Variants in KLF12 observed in about 807,000 individuals in gnomAD.
KLF12 encodes KLF transcription factor 12.
A neutral mutation model predicts 37.8 loss-of-function variants in KLF12; 9 were observed. The observed-to-expected ratio is 0.24, with a 90% CI of 0.14 to 0.42. KLF12 has a LOEUF of 0.42. Among genes scored for constraint, KLF12 ranks in the 10% least tolerant of loss-of-function variants. The pLI, the probability that KLF12 is intolerant of heterozygous loss-of-function variation, is 1.00. For missense variants in KLF12, 411 were observed against 516.0 expected (o/e 0.80, Z 1.97); for synonymous variants, 208 against 202.1 (o/e 1.03, Z -0.25).
intron 3 of KLF12, among the ~76,000 whole-genome samples, chr13:73,853,715 G>A (rs2138743280): frequency 6.7e-6 from 1 of 148,734 alleles, no homozygotes; most frequent in African/African-American, 2.5e-5. Flanking sequence ...CTCCAGCCTG[G>A]TCGACAGAGT....
At chr13:74,144,648 T>C in the KLF12 span, among the ~76,000 whole-genome samples, 3 of 152,174 alleles carry the variant, frequency 2.0e-5, no homozygotes, top group African/African-American at 7.2e-5. Flanking sequence ...GGTGGGATCA[T>C]AATATTTTCA....
At position 73,692,228 on chromosome 13, in the gene KLF12, G is replaced by A. The variant is rs1249901345; in HGVS notation, c.*3262C>T. On this transcript the variant is annotated 3_prime_UTR_variant, in exon 8 of 8. Transcript: ENST00000377669. ...AGAGTCCACACACAATTGACAGAAT[G>A]AGGGCAGAGGTGGATGCAGAAGCGT... 1 of 152,156 alleles carries A rather than the reference G, an allele frequency of 6.6e-6. No homozygotes were observed. Among genetic ancestry groups the A allele is most frequent in the African/African-American group, 2.4e-5 (1 of 41,450 alleles). 9.4% of individuals were successfully genotyped at this position (152,156 alleles called of 1,614,324 possible). A position where few individuals can be genotyped will look rare whatever the true frequency, so the allele number is the denominator to read the frequency against.
rs570405117 is a variant in KLF12, at chr13:73,757,436, A to T, written c.869+7502T>A. On this transcript the variant is annotated intron_variant, in intron 6 of 7. Coordinates refer to ENST00000377669, the MANE Select transcript of KLF12 (RefSeq NM_007249.5). ...AATCTTGTACTATGCCAAGAAATGT[A>T]ATAAATAGCTAGTTTCAGGGAAATT... 3.2e-4 allele frequency among the ~76,000 whole-genome samples: 49 copies of T among 152,370 alleles called. 2 individuals are homozygous for T. In the South Asian group the frequency reaches 9.9e-3, roughly 31 times the overall value.
the KLF12 span, among the ~76,000 whole-genome samples, chr13:74,164,979 G>C: frequency 6.6e-6 from 1 of 152,092 alleles, no homozygotes; most frequent in Non-Finnish European, 1.5e-5. Context: ...ATAAAATCTA[G>C]TATTTGATAG....
intron 6 of KLF12, among the ~76,000 whole-genome samples, chr13:73,751,975 A>G (rs1184507573): frequency 6.6e-6 from 1 of 152,004 alleles, no homozygotes; most frequent in Admixed American, 6.6e-5. Flanking sequence ...GCTTCTGTCC[A>G]GTTTACCTAT....
intron 7 of KLF12, among the ~76,000 whole-genome samples, chr13:73,698,748 T>C (rs1182301288): frequency 6.6e-6 from 1 of 152,208 alleles, no homozygotes; most frequent in Non-Finnish European, 1.5e-5. Flanking sequence ...ATATAATGTA[T>C]GGCCTTCAAT....
chr13:73,741,039 A>C (rs139924068), intron 6 of KLF12, among the ~76,000 whole-genome samples: 1 of 152,314 alleles, frequency 6.6e-6, no homozygotes, highest in African/African-American at 2.4e-5. Flanking sequence ...ATTTTCACAT[A>C]ATACTTTAAG....
At chr13:74,237,758 A>G in the KLF12 span, among the ~76,000 whole-genome samples, 255 of 152,330 alleles carry the variant, frequency 1.7e-3, no homozygotes, top group Middle Eastern at 0.014. Flanking sequence ...GTTGGTGTAT[A>G]AGAATGCTTG....
intron 5 of KLF12, among the ~76,000 whole-genome samples, chr13:73,807,497 G>A (rs1279321829): frequency 6.6e-6 from 1 of 152,062 alleles, no homozygotes; most frequent in Non-Finnish European, 1.5e-5. Flanking sequence ...CTTCATATAA[G>A]CCATATAATA....
chr13:74,107,110 TG>T (rs138423342), intron 1 of KLF12, among the ~76,000 whole-genome samples: 1 of 152,046 alleles, frequency 6.6e-6, no homozygotes, highest in Admixed American at 6.6e-5. Flanking sequence ...GGAAGGGATG[TG>T]GGGGGCTAGG....
chr13:74,111,339 T>G (rs977539377), intron 1 of KLF12, among the ~76,000 whole-genome samples: 2 of 152,128 alleles, frequency 1.3e-5, no homozygotes, highest in Non-Finnish European at 2.9e-5. Context: ...GAAATATTCT[T>G]AATATTCTTG....
the KLF12 span, among the ~76,000 whole-genome samples, chr13:74,290,883 G>A: frequency 1.3e-5 from 2 of 152,142 alleles, no homozygotes; most frequent in African/African-American, 4.8e-5. Context: ...CATAGGAAAA[G>A]TCTGTTTTTT....
chr13:74,245,953 T>C, the KLF12 span, among the ~76,000 whole-genome samples: 1 of 152,214 alleles, frequency 6.6e-6, no homozygotes, highest in African/African-American at 2.4e-5. Flanking sequence ...TTTCAGTAAC[T>C]TTTCCCCAGA....
intron 1 of KLF12, among the ~76,000 whole-genome samples, chr13:74,095,098 AC>A (rs1875900945): frequency 6.6e-6 from 1 of 152,202 alleles, no homozygotes; most frequent in Admixed American, 6.5e-5. Flanking sequence ...GAGTTTTGAT[AC>A]AATAAAGTCT....
At chr13:73,764,789 A>G in intron 6 of KLF12, 149 bp downstream of exon 6, 1 of 453,130 alleles carries the variant, frequency 2.2e-6, no homozygotes, top group East Asian at 3.2e-5. Context: ...TTTATTTCGA[A>G]CTGTCCAGAG....
chr13:74,279,189 G>A, the KLF12 span, among the ~76,000 whole-genome samples: 23 of 152,236 alleles, frequency 1.5e-4, no homozygotes, highest in East Asian at 3.9e-3. Context: ...TTCCATCACA[G>A]CACTGGGATA....
chr13:73,936,585 A>T (rs996340606), intron 3 of KLF12, among the ~76,000 whole-genome samples: 1 of 151,962 alleles, frequency 6.6e-6, no homozygotes, highest in African/African-American at 2.4e-5. Flanking sequence ...CCTCTACAGT[A>T]TTCTTCTCAC....
intron 6 of KLF12, among the ~76,000 whole-genome samples, chr13:73,735,484 A>G (rs1877385572): frequency 1.3e-5 from 2 of 152,102 alleles, no homozygotes; most frequent in South Asian, 4.1e-4. Flanking sequence ...GTCATCCTGG[A>G]GGGAGTGGGA....
intron 6 of KLF12, 133 bp from the exon 7 acceptor site, chr13:73,715,658 C>T: frequency 1.1e-6 from 1 of 885,626 alleles, no homozygotes; most frequent in Non-Finnish European, 1.7e-6. Context: ...TTCTTGCTAC[C>T]ACTATCTTGG....
Sources: gnomAD v4.1 joint callset for allele counts (sites outside exome capture counted in the v4.1 genomes callset) on GRCh38, gnomAD v4.1.1 for gene constraint, MANE v1.5 for transcripts, NCBI Gene and HGNC (gene_info 2026-07-23, HGNC 2026-07-21) for gene names.